Variants in AATF observed in about 807,000 individuals in gnomAD.
The protein encoded by AATF is apoptosis antagonizing transcription factor.
AATF carries 48 observed loss-of-function variants against 63.7 expected under a neutral mutation model. The observed-to-expected ratio is 0.75, with a 90% CI of 0.60 to 0.96. The LOEUF is 0.96. AATF is among the 40% of genes least tolerant of loss of function. AATF has a pLI of 0.00. For missense variants in AATF, 639 were observed against 685.7 expected (o/e 0.93, Z 0.76); for synonymous variants, 258 against 247.7 (o/e 1.04, Z -0.39).
At chr17:37,048,171 G>A (rs920357427) in intron 11 of AATF, among the ~76,000 whole-genome samples, 5 of 151,978 alleles carry the variant, frequency 3.3e-5, no homozygotes, top group African/African-American at 1.2e-4. Context: ...TTGGGTTGTT[G>A]GGGGATGTTA....
intron 11 of AATF, among the ~76,000 whole-genome samples, chr17:37,041,288 G>A (rs1320128892): frequency 6.6e-6 from 1 of 152,048 alleles, no homozygotes; most frequent in East Asian, 1.9e-4. Context: ...TGGACATTTA[G>A]GTTGTTTGTA....
chr17:36,957,432 T>C (rs1159199842), intron 4 of AATF, among the ~76,000 whole-genome samples: 1 of 152,370 alleles, frequency 6.6e-6, no homozygotes, highest in East Asian at 1.9e-4. Context: ...TGAGCCTCAC[T>C]AGTCTTCAGT....
chr17:36,983,552 T>C (rs983499076), intron 4 of AATF, among the ~76,000 whole-genome samples: 3 of 151,950 alleles, frequency 2.0e-5, no homozygotes, highest in Non-Finnish European at 4.4e-5. Context: ...GGTTTCACCA[T>C]GTTGGCCAGG....
At chr17:36,992,633 G>A (rs1205913977) in intron 8 of AATF, among the ~76,000 whole-genome samples, 1 of 78,310 alleles carries the variant, frequency 1.3e-5, no homozygotes, top group African/African-American at 5.7e-5. Context: ...TTTTTTTTTT[G>A]CCTGGAGGTC....
chr17:36,987,000 T>G (rs2071173907), intron 5 of AATF, among the ~76,000 whole-genome samples: 1 of 152,160 alleles, frequency 6.6e-6, no homozygotes, highest in East Asian at 1.9e-4. Context: ...AGCACTTTGT[T>G]TTTTAGAGAT....
At chr17:37,056,104 G>A (rs9909823) in intron 11 of AATF, 9,034 of 153,382 alleles carry the variant, frequency 0.059, 423 homozygotes, top group African/African-American at 0.13. Context: ...CAGGGCAGCT[G>A]GGGAGTGTGG....
At chr17:37,049,757 T>C (rs1042099784) in intron 11 of AATF, among the ~76,000 whole-genome samples, 4 of 152,096 alleles carry the variant, frequency 2.6e-5, no homozygotes, top group African/African-American at 9.7e-5. Flanking sequence ...AGGATCCCTT[T>C]GTTTGGTGCC....
intron 8 of AATF, among the ~76,000 whole-genome samples, chr17:36,992,837 G>A (rs779046108): frequency 3.9e-5 from 6 of 152,176 alleles, no homozygotes; most frequent in Non-Finnish European, 7.3e-5. Context: ...AAACACCTGA[G>A]TGAAACAAAT....
intron 11 of AATF, among the ~76,000 whole-genome samples, chr17:37,053,161 T>C (rs370122066): frequency 1.3e-5 from 2 of 152,238 alleles, no homozygotes; most frequent in African/African-American, 4.8e-5. Flanking sequence ...ATTCTGGCAA[T>C]AAATAATATT....
chr17:36,960,023 TC>T (rs112853898), intron 4 of AATF, among the ~76,000 whole-genome samples: 5,648 of 150,348 alleles, frequency 0.038, 353 homozygotes, highest in African/African-American at 0.13. Flanking sequence ...AAAATTTTTT[TC>T]CCCCCCCGAG....
At chr17:37,002,997 G>A (rs1597721245) in intron 8 of AATF, among the ~76,000 whole-genome samples, 1 of 148,088 alleles carries the variant, frequency 6.8e-6, no homozygotes. Context: ...AATTATCTTG[G>A]AAACAAAACA....
At chr17:36,988,880 G>T (rs1164821522) in intron 6 of AATF, among the ~76,000 whole-genome samples, 160 bp downstream of exon 6, 1 of 152,168 alleles carries the variant, frequency 6.6e-6, no homozygotes, top group Non-Finnish European at 1.5e-5. Context: ...TGGCACTGGG[G>T]TTTATACGAT....
chr17:36,959,487 A>G (rs1330762299), intron 4 of AATF, among the ~76,000 whole-genome samples: 1 of 152,174 alleles, frequency 6.6e-6, no homozygotes, highest in Non-Finnish European at 1.5e-5. Context: ...ACTGATTTGG[A>G]TGGGTGGGAA....
intron 11 of AATF, among the ~76,000 whole-genome samples, chr17:37,034,409 C>G (rs1353527629): frequency 6.6e-6 from 1 of 152,058 alleles, no homozygotes; most frequent in Admixed American, 6.5e-5. Flanking sequence ...AACCTAGTAC[C>G]ATTCTATTTT....
intron 4 of AATF, among the ~76,000 whole-genome samples, chr17:36,963,169 C>A (rs1229786123): frequency 1.3e-5 from 2 of 152,130 alleles, no homozygotes; most frequent in African/African-American, 4.8e-5. Flanking sequence ...TTATATAGTG[C>A]CAATAATTCT....
In AATF at chr17:36,989,335, A is replaced by G. The variant is rs2071195203; in HGVS notation, c.1238A>G (p.Lys413Arg). ...AGATTACTTCGAAGGACACAGACCA[A>G]GCGCTCTGTCTATCGAGTTCTTGGC... ...KERLLRRTQT[K>R]RSVYRVLGKP... Residue 413 changes from lysine (K) to arginine (R), a missense_variant, in exon 7 of 12, where the codon AAG (lysine) becomes AGG (arginine). Lys to Arg is a conservative substitution (Grantham distance 26). Coordinates refer to ENST00000619387, the MANE Select transcript of AATF (RefSeq NM_012138.4). 12 of 1,614,172 alleles carry G rather than the reference A, an allele frequency of 7.4e-6. No homozygotes were observed. Among genetic ancestry groups the G allele is most frequent in the Non-Finnish European group, 1.0e-5 (12 of 1,180,020 alleles).
chr17:37,021,367 G>A (rs35836944), intron 10 of AATF, among the ~76,000 whole-genome samples: 7,910 of 152,154 alleles, frequency 0.052, 669 homozygotes, highest in African/African-American at 0.18. Flanking sequence ...GGTGGCTCAC[G>A]CCTGTACTCC....
In AATF at chr17:36,962,385, T is replaced by C. The variant is rs563879444; in HGVS notation, c.832+8478T>C. ...CCAAGTGGTGGAATGAGGAGGGGAGTGTCAGATTCTTATGCACTGATTCTA... is the reference window on the plus strand; with the variant it reads ...CCAAGTGGTGGAATGAGGAGGGGAGCGTCAGATTCTTATGCACTGATTCTA... On this transcript the variant is annotated intron_variant, in intron 4 of 11. Transcript: ENST00000619387. 2.0e-5 allele frequency among the ~76,000 whole-genome samples: 3 copies of C among 151,842 alleles called. No homozygotes were observed. The South Asian group carries it at 6.3e-4, about 32-fold the overall frequency.
chr17:36,988,765 C>G, intron 6 of AATF, 45 bp downstream of exon 6: 1 of 1,571,924 alleles, frequency 6.4e-7, no homozygotes, highest in African/African-American at 1.4e-5. Context: ...TAGGTTGTGG[C>G]AACTTGAAGA....
Sources: gnomAD v4.1 joint callset for allele counts (sites outside exome capture counted in the v4.1 genomes callset) on GRCh38, gnomAD v4.1.1 for gene constraint, MANE v1.5 for transcripts, NCBI Gene and HGNC (gene_info 2026-07-23, HGNC 2026-07-21) for gene names.